Variants in ATP8A1 observed in about 807,000 individuals in gnomAD.
The protein encoded by ATP8A1 is ATPase phospholipid transporting 8A1, also known as phospholipid-transporting ATPase IA.
A neutral mutation model predicts 177.7 loss-of-function variants in ATP8A1; 90 were observed. The observed-to-expected ratio is 0.51, with a 90% CI of 0.43 to 0.60. ATP8A1 has a LOEUF of 0.60. Among genes scored for constraint, ATP8A1 ranks in the 20% least tolerant of loss-of-function variants. The probability of loss-of-function intolerance (pLI) is 0.00; values close to 1 mark genes in which losing one functional copy is unlikely to be tolerated. For synonymous variants in ATP8A1, 493 were observed against 485.9 expected, an observed-to-expected ratio of 1.01 and a Z score of -0.19; for missense variants, 1,072 against 1,392.8, an observed-to-expected ratio of 0.77 and a Z score of 3.67.
In ATP8A1 at chr4:42,575,952, T is replaced by C. The variant is rs140233946; in HGVS notation, c.1129-253A>G. 2.4e-4 allele frequency among the ~76,000 whole-genome samples: 36 copies of C among 152,302 alleles called. No homozygotes were observed. The East Asian group carries it at 6.8e-3, about 29-fold the overall frequency. On this transcript the variant is annotated intron_variant, in intron 12 of 36. Coordinates refer to ENST00000381668, the MANE Select transcript of ATP8A1 (RefSeq NM_006095.2). ...GAGCCTGTCTATGAATCATGCAATC[T>C]AGGTTTACTATCATTCCACCATTTT...
intron 19 of ATP8A1, among the ~76,000 whole-genome samples, chr4:42,544,667 A>G (rs1466537910): frequency 6.6e-6 from 1 of 152,248 alleles, no homozygotes; most frequent in Non-Finnish European, 1.5e-5. Context: ...AAACTGCGAC[A>G]GCATTACAAA....
At chr4:42,608,157 C>G (rs565268481) in intron 5 of ATP8A1, among the ~76,000 whole-genome samples, 6 of 152,088 alleles carry the variant, frequency 3.9e-5, no homozygotes, top group Non-Finnish European at 5.9e-5. Context: ...AGAGAACATT[C>G]GGGATTCCTC....
chr4:42,486,371 C>A (rs186532838), intron 24 of ATP8A1, among the ~76,000 whole-genome samples: 1 of 152,218 alleles, frequency 6.6e-6, no homozygotes, highest in East Asian at 1.9e-4. Flanking sequence ...CATGTCGGGG[C>A]AAATATTTAG....
chr4:42,645,326 T>C (rs993365375), intron 1 of ATP8A1, among the ~76,000 whole-genome samples: 1 of 152,200 alleles, frequency 6.6e-6, no homozygotes. Context: ...TTGGTAAATA[T>C]TTTGGGTAAA....
intron 22 of ATP8A1, among the ~76,000 whole-genome samples, chr4:42,509,037 C>T (rs149090661): frequency 1.8e-4 from 27 of 152,184 alleles, no homozygotes; most frequent in African/African-American, 5.3e-4. Context: ...GTTTGGAATG[C>T]TTTTTGGCTG....
Position 42,555,119 on chromosome 4 carries a change from ATCTATCTATCTATCTATCTAATCTATCT to A in ATP8A1, c.1413+821_1413+848del, listed in dbSNP as rs1401179344. On this transcript the variant is annotated intron_variant, in intron 16 of 36. Coordinates refer to ENST00000381668, the MANE Select transcript of ATP8A1 (RefSeq NM_006095.2). ...TATCTATCTATCTATCTATCTATCT[ATCTATCTATCTATCTATCTAATCTATCT>A]ATCTATCTATCTATCTATCTATCTA... Among the ~76,000 whole-genome samples, 21 of 98,030 alleles carry A rather than the reference ATCTATCTATCTATCTATCTAATCTATCT, an allele frequency of 2.1e-4. No individual in the cohort carries two copies. The South Asian group carries it at 4.6e-3, about 22-fold the overall frequency. The allele number at this position is 98,030 out of a possible 152,430, so 64.3% of individuals were successfully genotyped here.
chr4:42,629,940 T>G (rs1427431660), intron 1 of ATP8A1, among the ~76,000 whole-genome samples: 1 of 152,240 alleles, frequency 6.6e-6, no homozygotes, highest in Non-Finnish European at 1.5e-5. Context: ...AACGGACTCT[T>G]CCATTTGATT....
In ATP8A1 at chr4:42,583,221, T is replaced by C. The variant is rs533050772; in HGVS notation, c.723-1489A>G. Among the ~76,000 whole-genome samples the C allele has an allele frequency of 7.2e-5, 11 of 152,258 alleles. No individual in the cohort carries two copies. The East Asian group carries it at 9.7e-4, about 13-fold the overall frequency. ...ATCAATCCCGATGCGTAGGTAACAA[T>C]TGCACTTGAATGAATCCTTAGGAAA... On this transcript the variant is annotated intron_variant, in intron 9 of 36. Transcript: ENST00000381668.
chr4:42,592,308 C>T (rs546489507), intron 6 of ATP8A1, among the ~76,000 whole-genome samples: 2 of 152,150 alleles, frequency 1.3e-5, no homozygotes, highest in South Asian at 4.2e-4. Flanking sequence ...GTTTTTAATG[C>T]TTATAAAACA....
chr4:42,527,268 T>C (rs1053744353), intron 20 of ATP8A1, among the ~76,000 whole-genome samples: 5 of 152,028 alleles, frequency 3.3e-5, no homozygotes, highest in Admixed American at 3.3e-4. Context: ...CAAGGAAAGG[T>C]GCATGCGTAG....
intron 6 of ATP8A1, among the ~76,000 whole-genome samples, chr4:42,596,487 T>C (rs1364465597): frequency 4.6e-5 from 7 of 151,604 alleles, no homozygotes; most frequent in African/African-American, 7.3e-5. Flanking sequence ...CTGGCCAATA[T>C]GGCGAAACCC....
chr4:42,518,061 T>G (rs193118239), intron 22 of ATP8A1, among the ~76,000 whole-genome samples: 2 of 152,314 alleles, frequency 1.3e-5, no homozygotes, highest in Non-Finnish European at 2.9e-5. Flanking sequence ...TTGGATATTT[T>G]TTTCAGCTTA....
intron 6 of ATP8A1, among the ~76,000 whole-genome samples, chr4:42,595,437 T>C (rs1025651822): frequency 1.3e-5 from 2 of 152,126 alleles, no homozygotes; most frequent in African/African-American, 2.4e-5. Flanking sequence ...TCTGGGTCCC[T>C]TGATTCAAAA....
intron 35 of ATP8A1, among the ~76,000 whole-genome samples, chr4:42,416,940 G>A (rs964509452): frequency 1.3e-5 from 2 of 152,152 alleles, no homozygotes; most frequent in Non-Finnish European, 2.9e-5. Flanking sequence ...CAACATAAGC[G>A]CAAGGTGAGA....
chr4:42,534,031 G>A (rs755834119), intron 20 of ATP8A1, among the ~76,000 whole-genome samples: 1 of 152,126 alleles, frequency 6.6e-6, no homozygotes, highest in Non-Finnish European at 1.5e-5. Flanking sequence ...AGTTGCCCTT[G>A]AGCCCCAGAT....
intron 12 of ATP8A1, among the ~76,000 whole-genome samples, chr4:42,576,657 G>C (rs958562489): frequency 6.6e-6 from 1 of 151,936 alleles, no homozygotes; most frequent in African/African-American, 2.4e-5. Context: ...CAAATGAAAA[G>C]GTCAAAATTC....
chr4:42,488,639 A>T (rs10517037), intron 24 of ATP8A1, among the ~76,000 whole-genome samples: 5,708 of 152,208 alleles, frequency 0.038, 354 homozygotes, highest in African/African-American at 0.13. Context: ...TAAACTCCTT[A>T]AAATGGCATG....
chr4:42,600,154 A>AT (rs1735099684), intron 6 of ATP8A1, among the ~76,000 whole-genome samples: 2 of 152,076 alleles, frequency 1.3e-5, no homozygotes, highest in African/African-American at 4.8e-5. Flanking sequence ...CAAAATTCTT[A>AT]TTTTTACTTG....
Position 42,615,745 on chromosome 4 carries a change from A to G in ATP8A1, c.409+288T>C, listed in dbSNP as rs1736840346. ...AAACAAAATAAATTTATAATATTTAACACTGTCAAAACAACTGCAGACTTT... is the reference window on the plus strand; with the variant it reads ...AAACAAAATAAATTTATAATATTTAGCACTGTCAAAACAACTGCAGACTTT... On this transcript the variant is annotated intron_variant, in intron 5 of 36. Transcript: ENST00000381668. Among the ~76,000 whole-genome samples, 4 of 152,262 alleles carry G rather than the reference A, an allele frequency of 2.6e-5. No individual in the cohort carries two copies. The South Asian group carries it at 8.3e-4, about 31-fold the overall frequency.
Sources: gnomAD v4.1 joint callset for allele counts (sites outside exome capture counted in the v4.1 genomes callset) on GRCh38, gnomAD v4.1.1 for gene constraint, MANE v1.5 for transcripts, NCBI Gene and HGNC (gene_info 2026-07-23, HGNC 2026-07-21) for gene names.